KAZN: variants seen among roughly 807,000 people sequenced by gnomAD.
KAZN encodes the protein kazrin, periplakin interacting protein.
A neutral mutation model predicts 87.4 loss-of-function variants in KAZN; 40 were observed. The observed-to-expected ratio is 0.46, with a 90% CI of 0.36 to 0.60. The LOEUF is 0.60. KAZN is among the 20% of genes least tolerant of loss of function. The probability of loss-of-function intolerance (pLI) is 0.00; values close to 1 mark genes in which losing one functional copy is unlikely to be tolerated. For synonymous variants in KAZN, 466 were observed against 458.3 expected (o/e 1.02, Z -0.22); for missense variants, 898 against 1,073.9 (o/e 0.84, Z 2.29).
At chr1:14,025,059 C>G (rs1184230623) in intron 1 of KAZN, among the ~76,000 whole-genome samples, 1 of 152,208 alleles carries the variant, frequency 6.6e-6, no homozygotes, top group Non-Finnish European at 1.5e-5. Flanking sequence ...GGAACAATTT[C>G]CCTGTCCTTC....
At chr1:15,097,858 G>A (rs1256809971) in intron 10 of KAZN, among the ~76,000 whole-genome samples, 3 of 152,170 alleles carry the variant, frequency 2.0e-5, no homozygotes, top group Non-Finnish European at 2.9e-5. Context: ...GAGAAATCAT[G>A]AGCATAAAGT....
intron 1 of KAZN, among the ~76,000 whole-genome samples, chr1:14,008,995 C>T (rs968247491): frequency 2.0e-5 from 3 of 152,146 alleles, no homozygotes; most frequent in Non-Finnish European, 4.4e-5. Flanking sequence ...TGGCGACTAC[C>T]GTTCTATTTT....
At chr1:14,459,411 A>T (rs1182204337) in intron 2 of KAZN, among the ~76,000 whole-genome samples, 1 of 148,398 alleles carries the variant, frequency 6.7e-6, no homozygotes, top group Admixed American at 6.7e-5. Context: ...GGCCAAGGGG[A>T]AAAAAAAAAG....
chr1:15,043,321 G>A (rs1673110848), intron 3 of KAZN, among the ~76,000 whole-genome samples: 1 of 152,168 alleles, frequency 6.6e-6, no homozygotes, highest in Admixed American at 6.5e-5. Flanking sequence ...CCTAACTTCT[G>A]TCAGACTGTG....
chr1:14,598,588 A>C, upstream of KAZN: 7 of 875,816 alleles, frequency 8.0e-6, no homozygotes, highest in Non-Finnish European at 9.7e-6. This position sits in a 1 kb window ranked among gnomAD's most constrained non-coding sequence, Gnocchi z 4.2. Flanking sequence ...GGGGCGCGGG[A>C]GGCCAAGGGT....
intron 1 of KAZN, among the ~76,000 whole-genome samples, chr1:14,059,072 C>G (rs1346761294): frequency 6.6e-6 from 1 of 152,198 alleles, no homozygotes; most frequent in East Asian, 1.9e-4. Flanking sequence ...GGTCGAGGGA[C>G]TGTGGGTGAA....
At chr1:14,941,199 G>A (rs899465911) in intron 1 of KAZN, among the ~76,000 whole-genome samples, 12 of 152,096 alleles carry the variant, frequency 7.9e-5, no homozygotes, top group Admixed American at 6.5e-5. Context: ...GATTACAGGC[G>A]TGAGCCACCA....
intron 1 of KAZN, among the ~76,000 whole-genome samples, chr1:14,651,646 G>C (rs986197559): frequency 2.6e-5 from 4 of 152,188 alleles, no homozygotes; most frequent in African/African-American, 9.7e-5. Flanking sequence ...TTGTTGAAAA[G>C]AACAACATTT....
chr1:14,426,234 A>G (rs914874832), intron 2 of KAZN, among the ~76,000 whole-genome samples: 5 of 152,080 alleles, frequency 3.3e-5, no homozygotes, highest in Non-Finnish European at 5.9e-5. Context: ...GGCTCCCATA[A>G]TGACCTCCTT....
intron 1 of KAZN, among the ~76,000 whole-genome samples, chr1:14,748,915 A>C (rs1644334862): frequency 6.6e-6 from 1 of 152,204 alleles, no homozygotes; most frequent in Admixed American, 6.5e-5. Context: ...CAGTTAAGTG[A>C]GCCACGAATT....
At chr1:15,009,012 T>C (rs1323913648) in intron 2 of KAZN, among the ~76,000 whole-genome samples, 1 of 152,186 alleles carries the variant, frequency 6.6e-6, no homozygotes, top group African/African-American at 2.4e-5. Context: ...CAGAAGTAAA[T>C]AAAGCCCGTG....
intron 2 of KAZN, among the ~76,000 whole-genome samples, chr1:14,401,666 A>C (rs1663420984): frequency 6.6e-6 from 1 of 152,166 alleles, no homozygotes; most frequent in Admixed American, 6.5e-5. Flanking sequence ...AAATACAAAA[A>C]TTAGCCAGTC....
At chr1:14,138,371 A>T (rs1202126663) in intron 1 of KAZN, among the ~76,000 whole-genome samples, 3 of 152,112 alleles carry the variant, frequency 2.0e-5, no homozygotes, top group Non-Finnish European at 4.4e-5. Flanking sequence ...CACATTCAGA[A>T]GGAAGAAAGA....
intron 1 of KAZN, among the ~76,000 whole-genome samples, chr1:13,905,431 G>A (rs1639398951): frequency 6.6e-6 from 1 of 152,278 alleles, no homozygotes; most frequent in South Asian, 2.1e-4. Context: ...ATGAGGGTAA[G>A]CTTGAAGTAA....
intron 1 of KAZN, among the ~76,000 whole-genome samples, chr1:14,157,802 G>T (rs1290800354): frequency 1.3e-5 from 2 of 152,048 alleles, no homozygotes; most frequent in African/African-American, 4.8e-5. Flanking sequence ...TCTGCATGCT[G>T]GGGGGGCCTC....
intron 1 of KAZN, among the ~76,000 whole-genome samples, chr1:14,617,046 G>A (rs1307790446): frequency 1.3e-5 from 2 of 152,216 alleles, no homozygotes; most frequent in East Asian, 3.9e-4. Flanking sequence ...CTGCAAGACA[G>A]CAACCTTGGT....
At chr1:14,977,034 G>A (rs1435319588) in intron 2 of KAZN, among the ~76,000 whole-genome samples, 4 of 152,290 alleles carry the variant, frequency 2.6e-5, no homozygotes, top group East Asian at 3.9e-4. Context: ...CAGCCTGGGC[G>A]ACAGTGTGAG....
At chr1:15,065,574 A>T in intron 7 of KAZN, 56 bp from the exon 8 acceptor site, 1 of 1,473,356 alleles carries the variant, frequency 6.8e-7, no homozygotes, top group Non-Finnish European at 9.3e-7. Flanking sequence ...CACCCCAGCT[A>T]AGCTTGGCTT....
chr1:13,919,508 G>A (rs1161579525), intron 1 of KAZN, among the ~76,000 whole-genome samples: 1 of 152,194 alleles, frequency 6.6e-6, no homozygotes, highest in African/African-American at 2.4e-5. Context: ...ACATGACAAT[G>A]CATTCTTTTC....
Sources: allele counts gnomAD v4.1 joint callset (sites outside exome capture counted in the v4.1 genomes callset), GRCh38; gene constraint gnomAD v4.1.1; non-coding constraint Gnocchi (gnomAD v3.1); transcripts MANE v1.5; gene names NCBI Gene and HGNC (gene_info 2026-07-23, HGNC 2026-07-21).